Variants in CSRP3 observed in about 807,000 individuals in gnomAD.
The protein encoded by CSRP3 is cysteine and glycine rich protein 3.
Under a neutral mutation model 24.3 loss-of-function variants are expected in CSRP3, and 24 were observed. The observed-to-expected ratio is 0.99, with a 90% confidence interval of 0.71 to 1.39. CSRP3 has a LOEUF of 1.39. Ranked by LOEUF, CSRP3 falls within the 40% of genes most tolerant of loss-of-function variation. CSRP3 has a pLI of 0.00. For missense variants in CSRP3, 240 were observed against 249.0 expected (o/e 0.96, Z 0.24); for synonymous variants, 105 against 94.0 (o/e 1.12, Z -0.68).
At chr11:19,188,652 T>TGTGTGTGTGTGTG (rs1850570749) in intron 2 of CSRP3, among the ~76,000 whole-genome samples, 1 of 104,186 alleles carries the variant, frequency 9.6e-6, no homozygotes, top group African/African-American at 3.6e-5. Flanking sequence ...GTGTGTGTGT[T>TGTGTGTGTGTGTG]TGTGGGCGCG....
chr11:19,182,894 T>A, intron 5 of CSRP3, 148 bp from the exon 6 acceptor site: 1 of 705,902 alleles, frequency 1.4e-6, no homozygotes, highest in Non-Finnish European at 2.6e-6. Flanking sequence ...CGGTGGCTCA[T>A]GCCTGTAATC....
In CSRP3 at chr11:19,182,479, T is replaced by G; in HGVS notation, c.*191A>C. The G allele has an allele frequency of 1.6e-6, 1 of 632,820 alleles. No individual in the cohort carries two copies. Among genetic ancestry groups the G allele is most frequent in the East Asian group, 2.7e-5 (1 of 36,482 alleles). The allele number at this position is 632,820 out of a possible 1,614,324, so 39.2% of individuals were successfully genotyped here. A position where few individuals can be genotyped will look rare whatever the true frequency, so the allele number is the denominator to read the frequency against. ...ATTATAAATAATAAAGCATTTGTTA[T>G]AGATTAAACTTTACATAATTTTCTT... On this transcript the variant is annotated 3_prime_UTR_variant, in exon 6 of 6. Transcript: ENST00000265968.
chr11:19,190,758 T>A (rs567533103), intron 2 of CSRP3, among the ~76,000 whole-genome samples: 1 of 152,308 alleles, frequency 6.6e-6, no homozygotes, highest in East Asian at 1.9e-4. Context: ...CAGGTGATTA[T>A]CTTGTGGTAA....
chr11:19,187,410 G>A (rs10833070), intron 3 of CSRP3, among the ~76,000 whole-genome samples: 22,846 of 152,174 alleles, frequency 0.15, 2,071 homozygotes, highest in South Asian at 0.29. Flanking sequence ...CTGGCCAGTC[G>A]CAGTGCAGAG....
intron 2 of CSRP3, among the ~76,000 whole-genome samples, chr11:19,190,830 T>G (rs1412739486): frequency 2.6e-5 from 4 of 152,212 alleles, no homozygotes; most frequent in African/African-American, 9.6e-5. Flanking sequence ...AAATGTATGC[T>G]GCTCAAATCC....
intron 2 of CSRP3, among the ~76,000 whole-genome samples, chr11:19,189,260 G>C (rs958790888): frequency 6.6e-6 from 1 of 152,164 alleles, no homozygotes; most frequent in Non-Finnish European, 1.5e-5. Flanking sequence ...GTTTAAAGAG[G>C]CAGCCCTGTT....
chr11:19,189,590 G>A (rs1850584388), intron 2 of CSRP3, among the ~76,000 whole-genome samples: 1 of 152,174 alleles, frequency 6.6e-6, no homozygotes, highest in African/African-American at 2.4e-5. Context: ...TTCTTCAAAT[G>A]ATATTATCTT....
chr11:19,189,469 G>T (rs1850582458), intron 2 of CSRP3, among the ~76,000 whole-genome samples: 1 of 152,058 alleles, frequency 6.6e-6, no homozygotes, highest in Non-Finnish European at 1.5e-5. Flanking sequence ...ATATCCCCAG[G>T]AATAATAATA....
Position 19,188,198 on chromosome 11 carries a change from A to T in CSRP3, c.219T>A (p.Tyr73Ter). The T allele has an allele frequency of 6.2e-7, 1 of 1,613,948 alleles. No individual in the cohort carries two copies. The highest frequency in any genetic ancestry group is 2.2e-5 in the East Asian group (1 of 44,886). ...GRRYGPKGIG[Y>*]GQGAGCLSTD... ...TGCTGAGACAGCCAGCGCCTTGTCCATACCCGATCCCTTTGGGGCCATATC... is the reference window on the plus strand; with the variant it reads ...TGCTGAGACAGCCAGCGCCTTGTCCTTACCCGATCCCTTTGGGGCCATATC... The change falls in exon 3 of 6, where the codon TAT becomes TAA. Residue 73 changes from tyrosine to a stop codon, truncating the protein, a stop_gained. Coordinates refer to ENST00000265968, the MANE Select transcript of CSRP3 (RefSeq NM_003476.5). LOFTEE classifies it high-confidence loss of function.
Position 19,188,146 on chromosome 11 carries a change from G to C in CSRP3, c.271C>G (p.Gln91Glu). 6.2e-7 allele frequency: 1 copy of C among 1,614,198 alleles called. No individual in the cohort carries two copies. The highest frequency in any genetic ancestry group is 2.2e-5 in the East Asian group (1 of 44,888). The change falls in exon 3 of 6, where the codon CAG becomes GAG. Residue 91 changes from glutamine to glutamate, a missense_variant. Transcript: ENST00000265968. ...AGGGCAGTAACTCACTGTTGGAACT[G>C]CAGGCCGAGATGCTCGCCCGTGTCT... ...STDTGEHLGL[Q>E]FQQSPKPARS...
In CSRP3 at chr11:19,188,638, G is replaced by GTGTGTC. The variant is rs1441647140; in HGVS notation, c.113-335_113-334insGACACA. 1.6e-3 allele frequency among the ~76,000 whole-genome samples: 239 copies of GTGTGTC among 151,822 alleles called. 1 individual carries two copies. The highest frequency in any genetic ancestry group is 5.5e-3 in the African/African-American group (229 of 41,398). ...AGTGTGTGTGTGTGTGTGTGTGTGT[G>GTGTGTC]TGTGTGTGTGTGTTTGTGGGCGCGC... On this transcript the variant is annotated intron_variant, in intron 2 of 5. Coordinates refer to ENST00000265968, the MANE Select transcript of CSRP3 (RefSeq NM_003476.5).
At chr11:19,188,410 T>G in intron 2 of CSRP3, 106 bp from the exon 3 acceptor site, 9 of 1,134,096 alleles carry the variant, frequency 7.9e-6, no homozygotes, top group African/African-American at 1.5e-5. Context: ...GAGGGGCCCC[T>G]GAGCCAAGAA....
intron 1 of CSRP3, among the ~76,000 whole-genome samples, chr11:19,196,207 G>A (rs958413096): frequency 2.6e-5 from 4 of 152,164 alleles, no homozygotes; most frequent in African/African-American, 9.7e-5. Context: ...AAGTTGCAGT[G>A]AGCTGAGATT....
intron 1 of CSRP3, among the ~76,000 whole-genome samples, chr11:19,199,926 T>C (rs1168570917): frequency 6.6e-6 from 1 of 152,212 alleles, no homozygotes; most frequent in Non-Finnish European, 1.5e-5. Context: ...AACAGCACAC[T>C]TGTAACTGGA....
At chr11:19,200,154 T>C (rs749472645) in intron 1 of CSRP3, among the ~76,000 whole-genome samples, 7 of 152,222 alleles carry the variant, frequency 4.6e-5, no homozygotes, top group Non-Finnish European at 1.0e-4. Context: ...CACATATTTG[T>C]ACGGTTATAT....
chr11:19,196,554 G>A (rs1035308812), intron 1 of CSRP3, among the ~76,000 whole-genome samples: 1 of 152,146 alleles, frequency 6.6e-6, no homozygotes, highest in African/African-American at 2.4e-5. Flanking sequence ...CATTGCTTTG[G>A]AATTCTTGTG....
At position 19,182,613 on chromosome 11, in the gene CSRP3, A is replaced by C. The variant is rs1209285363; in HGVS notation, c.*57T>G. 1 of 1,347,818 alleles carries C rather than the reference A, an allele frequency of 7.4e-7. No homozygotes were observed. The highest frequency in any genetic ancestry group is 1.7e-5 in the Admixed American group (1 of 59,692). The allele number at this position is 1,347,818 out of a possible 1,614,324, so 83.5% of individuals were successfully genotyped here. A position where few individuals can be genotyped will look rare whatever the true frequency, so the allele number is the denominator to read the frequency against. ...TTTGGGGAAAGGTATCGATCTGTGCAGGATTACTTGGCAAGTGTTTTAGGC... is the reference window on the plus strand; with the variant it reads ...TTTGGGGAAAGGTATCGATCTGTGCCGGATTACTTGGCAAGTGTTTTAGGC... On this transcript the variant is annotated 3_prime_UTR_variant, in exon 6 of 6. Coordinates refer to ENST00000265968, the MANE Select transcript of CSRP3 (RefSeq NM_003476.5).
intron 1 of CSRP3, among the ~76,000 whole-genome samples, chr11:19,192,986 C>T (rs1168588170): frequency 6.6e-6 from 1 of 152,096 alleles, no homozygotes; most frequent in African/African-American, 2.4e-5. Flanking sequence ...AGACTCCAGG[C>T]AATATTGATG....
chr11:19,194,898 G>A (rs981396726), intron 1 of CSRP3, among the ~76,000 whole-genome samples: 5 of 152,054 alleles, frequency 3.3e-5, no homozygotes, highest in African/African-American at 1.2e-4. Context: ...AGTGACAAAA[G>A]GGGGAAAACT....
Sources: allele counts gnomAD v4.1 joint callset (sites outside exome capture counted in the v4.1 genomes callset), GRCh38; gene constraint gnomAD v4.1.1; transcripts MANE v1.5; gene names NCBI Gene and HGNC (gene_info 2026-07-23, HGNC 2026-07-21).